Variants in PCDHA1 observed in about 807,000 individuals in gnomAD.
PCDHA1 encodes protocadherin alpha 1, also known as protocadherin alpha-1.
Under a neutral mutation model 61.3 loss-of-function variants are expected in PCDHA1, and 42 were observed. The ratio of observed to expected loss-of-function variants is 0.69; its 90% CI spans 0.54 to 0.89. The LOEUF is 0.89. Among genes scored for constraint, PCDHA1 ranks in the 40% least tolerant of loss-of-function variants. The pLI is 0.00. For synonymous variants in PCDHA1, 610 were observed against 553.8 expected (o/e 1.10, Z -1.43); for missense variants, 1,256 against 1,235.3 (o/e 1.02, Z -0.25).
intron 1 of PCDHA1, chr5:140,876,038 G>C: frequency 6.2e-7 from 1 of 1,613,822 alleles, no homozygotes; most frequent in East Asian, 2.2e-5. Flanking sequence ...AAAGATAAAA[G>C]TATATTGCCT....
chr5:140,802,949 A>T lies in PCDHA1; in HGVS notation c.2394+14265A>T, dbSNP rs782799537. The T allele has an allele frequency of 1.4e-5, 22 of 1,613,796 alleles. 1 individual carries two copies. The South Asian group carries it at 2.1e-4, about 15-fold the overall frequency. On this transcript the variant is annotated intron_variant, in intron 1 of 3. Coordinates refer to ENST00000504120, the MANE Select transcript of PCDHA1 (RefSeq NM_018900.4). ...CAGTGAGCGAGCTGGTGCCGCGGTC[A>T]GTGGGTGCGGGCCACGTGGTAGCGA...
chr5:140,929,326 G>A, intron 1 of PCDHA1: 1 of 1,538,470 alleles, frequency 6.5e-7, no homozygotes. Context: ...CAATGCCATG[G>A]TAAGCAAATT....
At chr5:140,926,986 C>T (rs782199565) in intron 1 of PCDHA1, 1 of 1,610,712 alleles carries the variant, frequency 6.2e-7, no homozygotes, top group Non-Finnish European at 8.5e-7. Flanking sequence ...GGAGACGGAG[C>T]GGGGCGTAGC....
chr5:140,797,654 A>G (rs1554120492), intron 1 of PCDHA1, among the ~76,000 whole-genome samples: 1 of 152,220 alleles, frequency 6.6e-6, no homozygotes, highest in African/African-American at 2.4e-5. Context: ...TCCCATAAAT[A>G]TTTTCTCTCT....
chr5:140,857,900 C>A, intron 1 of PCDHA1: 2 of 1,597,730 alleles, frequency 1.3e-6, no homozygotes, highest in African/African-American at 1.3e-5. Context: ...GGTTGGTGCA[C>A]GCATCCCGTT....
intron 1 of PCDHA1, chr5:140,797,156 C>A: frequency 6.2e-7 from 1 of 1,613,954 alleles, no homozygotes; most frequent in Non-Finnish European, 8.5e-7. Context: ...ACCGAGGGTG[C>A]GCGCGCGCCA....
At chr5:140,937,906 C>T (rs1235683629) in intron 1 of PCDHA1, among the ~76,000 whole-genome samples, 6 of 130,108 alleles carry the variant, frequency 4.6e-5, no homozygotes, top group African/African-American at 6.4e-5. Context: ...AGTGAGACTC[C>T]GTCTCAAAAA....
chr5:140,799,710 A>C (rs1408412651), intron 1 of PCDHA1, among the ~76,000 whole-genome samples: 1 of 152,148 alleles, frequency 6.6e-6, no homozygotes, highest in Non-Finnish European at 1.5e-5. Flanking sequence ...AAATCTGAGT[A>C]AGTTGCAGTC....
chr5:140,875,642 C>T (rs2153326944), intron 1 of PCDHA1: 3 of 1,613,606 alleles, frequency 1.9e-6, no homozygotes, highest in East Asian at 4.5e-5. Context: ...CTGGAGCTGG[C>T]GGAGCTGGTG....
In PCDHA1 at chr5:140,888,751, C is replaced by T. The variant is rs947840835; in HGVS notation, c.2395-90198C>T. On this transcript the variant is annotated intron_variant, in intron 1 of 3. Transcript: ENST00000504120. ...TTGTGAGCTCTAGGAATTATTCTAC[C>T]CACTTTTTTTTTTAATTTTGAAGGG... Among the ~76,000 whole-genome samples, 4 of 151,800 alleles carry T rather than the reference C, an allele frequency of 2.6e-5. No individual in the cohort carries two copies. The South Asian group carries it at 8.3e-4, about 32-fold the overall frequency.
At position 140,997,696 on chromosome 5, in the gene PCDHA1, GTA is replaced by G. The variant is rs1328869274; in HGVS notation, c.2543-11929_2543-11928del. On this transcript the variant is annotated intron_variant, in intron 3 of 3. Transcript: ENST00000504120. ...TGTGTGTGTGTGTGTGTGTGTGTGT[GTA>G]TGTTAACAAACACCTTTCTACGTCA... Among the ~76,000 whole-genome samples, 208 of 148,602 alleles carry G rather than the reference GTA, an allele frequency of 1.4e-3. 1 individual carries two copies. Among genetic ancestry groups the G allele is most frequent in the African/African-American group, 4.8e-3 (197 of 40,710 alleles).
In PCDHA1 at chr5:140,850,071, G is replaced by T. The variant is rs2150465789; in HGVS notation, c.2394+61387G>T. The T allele has an allele frequency of 1.4e-5, 22 of 1,596,556 alleles. 5 individuals carry two copies. The highest frequency in any genetic ancestry group is 1.6e-5 in the Non-Finnish European group (19 of 1,167,840). ...GTACGCGCTGCAGCCGTTGGACCAC[G>T]AGGAGCTGGAGCTGCTACAGTTCCA... On this transcript the variant is annotated intron_variant, in intron 1 of 3. Coordinates refer to ENST00000504120, the MANE Select transcript of PCDHA1 (RefSeq NM_018900.4).
At chr5:140,823,944 G>A (rs1767937755) in intron 1 of PCDHA1, 1 of 1,613,944 alleles carries the variant, frequency 6.2e-7, no homozygotes, top group Non-Finnish European at 8.5e-7. Context: ...TGCGGTGCTC[G>A]GCGCAGCCCA....
intron 2 of PCDHA1, among the ~76,000 whole-genome samples, chr5:140,981,353 C>G (rs551731316): frequency 6.6e-6 from 1 of 152,048 alleles, no homozygotes; most frequent in East Asian, 1.9e-4. Context: ...GCAGGTGGAT[C>G]ACTTGAGGTC....
intron 1 of PCDHA1, among the ~76,000 whole-genome samples, chr5:140,906,513 G>A (rs1398874448): frequency 1.3e-5 from 2 of 152,176 alleles, no homozygotes; most frequent in Non-Finnish European, 2.9e-5. Context: ...AAAGAAGGAG[G>A]AAATACTCAC....
chr5:140,795,329 A>G (rs782432943), intron 1 of PCDHA1: 7 of 1,614,144 alleles, frequency 4.3e-6, no homozygotes, highest in Non-Finnish European at 5.9e-6. Context: ...GTGGAAGTGG[A>G]GGTGAAGGAC....
rs782195215 is a variant in PCDHA1 at position 140,856,375 on chromosome 5, G to A, written c.2394+67691G>A. The stretch of plus-strand genomic sequence containing the variant: ...GCAGCATCCACCTGGAGGTGATCGT[G>A]GACAGGCCGCTGCAGGTTTTCCATG... On this transcript the variant is annotated intron_variant, in intron 1 of 3. Transcript: ENST00000504120. The A allele has an allele frequency of 1.9e-5, 30 of 1,598,518 alleles. 2 individuals are homozygous for A. The highest frequency in any genetic ancestry group is 2.5e-5 in the Non-Finnish European group (29 of 1,167,968).
In PCDHA1 at chr5:140,830,153, G is replaced by A. The variant is rs2150182058; in HGVS notation, c.2394+41469G>A. On this transcript the variant is annotated intron_variant, in intron 1 of 3. Coordinates refer to ENST00000504120, the MANE Select transcript of PCDHA1 (RefSeq NM_018900.4). ...ATCACGGGCGTCGGTGGGCGCCGCG[G>A]GCCCAGAGGCGGCGCTGGTGGATGT... 6 of 1,613,358 alleles carry A rather than the reference G, an allele frequency of 3.7e-6. No individual in the cohort carries two copies. In the East Asian group the frequency reaches 8.9e-5, roughly 24 times the overall value.
chr5:140,798,577 T>C (rs1448005418), intron 1 of PCDHA1, among the ~76,000 whole-genome samples: 1 of 152,174 alleles, frequency 6.6e-6, no homozygotes, highest in South Asian at 2.1e-4. Flanking sequence ...ACTGCAGAGA[T>C]TGACTACTTT....
Sources: allele counts gnomAD v4.1 joint callset (sites outside exome capture counted in the v4.1 genomes callset), GRCh38; gene constraint gnomAD v4.1.1; transcripts MANE v1.5; gene names NCBI Gene and HGNC (gene_info 2026-07-23, HGNC 2026-07-21).